The following EFCAB6 variants were observed in gnomAD, a reference collection of about 807,000 sequenced individuals.
EFCAB6 encodes the protein EF-hand calcium binding domain 6.
A neutral mutation model predicts 169.8 loss-of-function variants in EFCAB6; 156 were observed. The observed-to-expected ratio is 0.92, with a 90% CI of 0.81 to 1.05. The LOEUF (loss-of-function observed/expected upper bound fraction) is 1.05, where lower values mean the gene tolerates loss of function less well. EFCAB6 is among the 50% of genes least tolerant of loss of function. The probability of loss-of-function intolerance (pLI) is 0.00; values close to 1 mark genes in which losing one functional copy is unlikely to be tolerated. For missense variants in EFCAB6, 1,800 were observed against 1,829.1 expected, an observed-to-expected ratio of 0.98 and a Z score of 0.29; for synonymous variants, 698 against 676.4, an observed-to-expected ratio of 1.03 and a Z score of -0.50.
intron 10 of EFCAB6, among the ~76,000 whole-genome samples, chr22:43,707,006 CA>C (rs1467757971): frequency 6.6e-6 from 1 of 152,198 alleles, no homozygotes; most frequent in African/African-American, 2.4e-5. Context: ...AGGAAAGACC[CA>C]TGTCAAGGAC....
intron 20 of EFCAB6, among the ~76,000 whole-genome samples, chr22:43,617,357 C>G (rs1012322632): frequency 1.3e-5 from 2 of 152,222 alleles, no homozygotes; most frequent in African/African-American, 2.4e-5. Flanking sequence ...GGGGCATGTG[C>G]TATCTCAGCA....
chr22:43,800,469 G>A (rs9625945), intron 2 of EFCAB6, among the ~76,000 whole-genome samples: 4,604 of 152,264 alleles, frequency 0.03, 268 homozygotes, highest in African/African-American at 0.1. Flanking sequence ...ATTTCCCCAA[G>A]CAAACAAAGC....
At chr22:43,809,545 TTTG>T (rs2063033245) in intron 1 of EFCAB6, among the ~76,000 whole-genome samples, 1 of 152,238 alleles carries the variant, frequency 6.6e-6, no homozygotes, top group Non-Finnish European at 1.5e-5. Flanking sequence ...ATTTATCAGC[TTTG>T]TTAAGTCCCT....
intron 22 of EFCAB6, 21 bp downstream of exon 22, chr22:43,608,461 C>T: frequency 6.2e-7 from 1 of 1,610,308 alleles, no homozygotes; most frequent in Non-Finnish European, 8.5e-7. Flanking sequence ...TGGAAACCAA[C>T]CAGTCTCACG....
rs1198754926 is a variant in EFCAB6, at chr22:43,746,990, C to T, written c.507+8776G>A. ...ACTATGCTGACCCAGCATCCTGCTG[C>T]TTATCTGGACCTCATGCAAGAGGAT... On this transcript the variant is annotated intron_variant, in intron 6 of 31. Transcript: ENST00000262726. 2.0e-5 allele frequency among the ~76,000 whole-genome samples: 3 copies of T among 152,346 alleles called. No individual in the cohort carries two copies. In the East Asian group the frequency reaches 5.8e-4, roughly 29 times the overall value.
At chr22:43,798,519 C>G (rs2062592982) in intron 2 of EFCAB6, among the ~76,000 whole-genome samples, 1 of 152,136 alleles carries the variant, frequency 6.6e-6, no homozygotes, top group African/African-American at 2.4e-5. Context: ...TCCACGCTTT[C>G]ACAACGACCT....
intron 4 of EFCAB6, among the ~76,000 whole-genome samples, chr22:43,769,743 G>C (rs766382632): frequency 6.6e-6 from 1 of 152,110 alleles, no homozygotes; most frequent in Non-Finnish European, 1.5e-5. Flanking sequence ...AGGAGGATAT[G>C]GGGTGAGGAG....
chr22:43,752,490 T>A (rs900672559), intron 6 of EFCAB6, among the ~76,000 whole-genome samples: 1 of 152,180 alleles, frequency 6.6e-6, no homozygotes, highest in South Asian at 2.1e-4. Context: ...TGGGTGGCCA[T>A]GTGCTTCATA....
At chr22:43,760,786 G>A (rs1292597392) in intron 5 of EFCAB6, among the ~76,000 whole-genome samples, 1 of 151,782 alleles carries the variant, frequency 6.6e-6, no homozygotes, top group Non-Finnish European at 1.5e-5. Context: ...AGCCTCCCAA[G>A]CAAGTAGCTA....
chr22:43,556,983 T>TA (rs1488970780), intron 26 of EFCAB6, among the ~76,000 whole-genome samples: 11 of 152,068 alleles, frequency 7.2e-5, no homozygotes, highest in Non-Finnish European at 4.4e-5. Context: ...ATCAACAGAG[T>TA]AGAGGAGCCT....
In EFCAB6 at chr22:43,772,694, C is replaced by A. The variant is rs115768607; in HGVS notation, c.351+198G>T. Among the ~76,000 whole-genome samples the A allele has an allele frequency of 4.9e-3, 744 of 151,790 alleles. 4 individuals are homozygous for A. Among genetic ancestry groups the A allele is most frequent in the African/African-American group, 0.017 (707 of 41,406 alleles). On this transcript the variant is annotated intron_variant, in intron 4 of 31. Transcript: ENST00000262726. ...AATGAAAAGAAACTGGCTGGAGCAG[C>A]GCTACATGCAAAATATGACCGAGTA...
In EFCAB6 at chr22:43,635,230, C is replaced by G. The variant is rs2055298229; in HGVS notation, c.1984-14G>C. The G allele has an allele frequency of 1.2e-6, 2 of 1,605,620 alleles. No homozygotes were observed. The highest frequency in any genetic ancestry group is 1.7e-6 in the Non-Finnish European group (2 of 1,172,374). On this transcript the variant is annotated splice_polypyrimidine_tract_variant and intron_variant, in intron 17 of 31. Coordinates refer to ENST00000262726, the MANE Select transcript of EFCAB6 (RefSeq NM_022785.4). ...GTCTTCCAGTACCTGACGAGGGAGA[C>G]AGGGGAGGGTGGAGAGGCGTTAGGT...
intron 2 of EFCAB6, among the ~76,000 whole-genome samples, chr22:43,787,840 C>G (rs533431689): frequency 1.3e-5 from 2 of 151,982 alleles, no homozygotes; most frequent in African/African-American, 2.4e-5. Flanking sequence ...TTATACTTCC[C>G]GATTTCAAAA....
At chr22:43,664,027 C>T in intron 17 of EFCAB6, among the ~76,000 whole-genome samples, 1 of 152,222 alleles carries the variant, frequency 6.6e-6, no homozygotes, top group Non-Finnish European at 1.5e-5. Flanking sequence ...CTTCAGGCAG[C>T]AGGGAGGTCT....
intron 9 of EFCAB6, among the ~76,000 whole-genome samples, chr22:43,714,325 G>A (rs901765338): frequency 2.0e-5 from 3 of 152,014 alleles, no homozygotes; most frequent in African/African-American, 7.2e-5. Context: ...GGACTACTGT[G>A]GAAGGAAGGA....
At chr22:43,644,801 A>G (rs1208796450) in intron 17 of EFCAB6, among the ~76,000 whole-genome samples, 1 of 152,238 alleles carries the variant, frequency 6.6e-6, no homozygotes, top group African/African-American at 2.4e-5. Flanking sequence ...CAGAATGACA[A>G]AATGCTGAAC....
rs369802355 is a variant in EFCAB6 at position 43,537,386 on chromosome 22, C to T, written c.4039G>A (p.Asp1347Asn). 4.1e-5 allele frequency: 66 copies of T among 1,613,984 alleles called. No homozygotes were observed. The highest frequency in any genetic ancestry group is 8.3e-5 in the Admixed American group (5 of 59,988). Residue 1347 changes from aspartate (D) to asparagine (N), a missense_variant, in exon 29 of 32, where the codon GAT becomes AAT. Coordinates refer to ENST00000262726, the MANE Select transcript of EFCAB6 (RefSeq NM_022785.4). The surrounding 1 kb of genome is among the most constrained non-coding windows in gnomAD (Gnocchi z 4.3). Reference sequence around the variant, plus strand: ...TAGAATCTGAACGAACCCAGGAAATCGGAGGCGTTGATGTCCCCCTGTCTG... The same window carrying T: ...TAGAATCTGAACGAACCCAGGAAATTGGAGGCGTTGATGTCCCCCTGTCTG... The part of the protein sequence containing the change: ...VARQGDINAS[D>N]FLALVEKFNL...
At chr22:43,549,199 TTAAAC>T (rs1385550860) in intron 27 of EFCAB6, among the ~76,000 whole-genome samples, 1 of 152,110 alleles carries the variant, frequency 6.6e-6, no homozygotes, top group African/African-American at 2.4e-5. Flanking sequence ...TTTGTCTAAC[TTAAAC>T]TAAAGCGGAA....
intron 23 of EFCAB6, among the ~76,000 whole-genome samples, chr22:43,592,693 G>A (rs1380715584): frequency 6.6e-6 from 1 of 152,104 alleles, no homozygotes; most frequent in African/African-American, 2.4e-5. Context: ...GGCCAGAAGG[G>A]GGCACTGTTA....
Sources: gnomAD v4.1 joint callset for allele counts (sites outside exome capture counted in the v4.1 genomes callset) on GRCh38, gnomAD v4.1.1 for gene constraint, Gnocchi (gnomAD v3.1) non-coding constraint, MANE v1.5 for transcripts, NCBI Gene and HGNC (gene_info 2026-07-23, HGNC 2026-07-21) for gene names.